Variants in PAQR6 observed in about 807,000 individuals in gnomAD.
PAQR6 encodes the protein progestin and adipoQ receptor family member 6, also known as membrane progestin receptor delta.
In PAQR6, 34 loss-of-function variants were observed where a neutral mutation model predicts 36.2. That is an observed-to-expected ratio of 0.94 (90% CI 0.71 to 1.25). PAQR6 has a LOEUF of 1.25. Ranked by LOEUF, PAQR6 falls within the 50% of genes most tolerant of loss-of-function variation. The pLI is 0.00. For missense variants in PAQR6, 431 were observed against 445.7 expected (o/e 0.97, Z 0.30); for synonymous variants, 190 against 190.7 (o/e 1.00, Z 0.03).
Position 156,245,046 on chromosome 1 carries a change from C to A in PAQR6, c.609+96G>T, listed in dbSNP as rs559912093. 4 of 1,599,476 alleles carry A rather than the reference C, an allele frequency of 2.5e-6. No individual in the cohort carries two copies. In the African/African-American group the frequency reaches 5.4e-5, roughly 21 times the overall value. On this transcript the variant is annotated intron_variant, in intron 6 of 7. Transcript: ENST00000292291. ...CTGGACCCCAAGAGAGGCGGCTGGG[C>A]TGAGGCAGGGACTGAGGGGGCAGGG...
intron 1 of PAQR6, 57 bp downstream of exon 1, chr1:156,247,900 A>C (rs1215726825): frequency 2.5e-6 from 1 of 405,524 alleles, no homozygotes; most frequent in Middle Eastern, 3.6e-4. Flanking sequence ...GGGTGGCTGG[A>C]GCAAGATGCT....
In PAQR6 at chr1:156,244,909, G is replaced by A. The variant is rs1289317692; in HGVS notation, c.612C>T (p.Leu204=). The change falls in exon 7 of 8, where the codon CTC becomes CTT. Residue 204 remains leucine (L), a splice_region_variant and synonymous_variant. Coordinates refer to ENST00000292291, the MANE Select transcript of PAQR6 (RefSeq NM_198406.3). ...LFDNLPLFYR[L]GLCWGRGHGC... ...CGTGGCCCCTGCCCCAGCACAGCCC[G>A]AGCTGTCAAAGGAAAACCAAGGCTG... The A allele has an allele frequency of 5.6e-6, 9 of 1,612,080 alleles. No individual in the cohort carries two copies. The highest frequency in any genetic ancestry group is 1.7e-5 in the Admixed American group (1 of 59,864).
At position 156,243,710 on chromosome 1, in the gene PAQR6, G is replaced by T; in HGVS notation, c.*419C>A. 2.0e-6 allele frequency: 2 copies of T among 1,017,090 alleles called. No homozygotes were observed. The highest frequency in any genetic ancestry group is 2.8e-6 in the Non-Finnish European group (2 of 706,316). 63.0% of individuals were successfully genotyped at this position (1,017,090 alleles called of 1,614,324 possible). Reference sequence around the variant, plus strand: ...GGCAAGTGTGTGGCCTCTCGGCCTGGTTAGCAAGAAGCATTCAGGGTAGGC... The same window carrying T: ...GGCAAGTGTGTGGCCTCTCGGCCTGTTTAGCAAGAAGCATTCAGGGTAGGC... On this transcript the variant is annotated 3_prime_UTR_variant, in exon 8 of 8. Coordinates refer to ENST00000292291, the MANE Select transcript of PAQR6 (RefSeq NM_198406.3).
Position 156,245,885 on chromosome 1 carries a change from G to T in PAQR6, c.282C>A (p.Tyr94Ter), listed in dbSNP as rs776589303. The change falls in exon 4 of 8, where the codon TAC becomes TAA. Residue 94 changes from tyrosine (Y) to a stop codon, truncating the protein, a stop_gained. Coordinates refer to ENST00000292291, the MANE Select transcript of PAQR6 (RefSeq NM_198406.3). LOFTEE classifies it high-confidence loss of function. Reference protein sequence around the residue: ...LLVFLLPACLYPFASCCAHTF... With the variant: ...LLVFLLPACL ...TGTGCGCGCAGCACGACGCGAAGGG[G>T]TAGAGGCAGGCGGGCAGCAGGAAGA... 3 of 1,595,704 alleles carry T rather than the reference G, an allele frequency of 1.9e-6. No homozygotes were observed. Among genetic ancestry groups the T allele is most frequent in the African/African-American group, 2.7e-5 (2 of 74,774 alleles).
chr1:156,243,946 C>T lies in PAQR6; in HGVS notation c.*183G>A, dbSNP rs1247677484. On this transcript the variant is annotated 3_prime_UTR_variant, in exon 8 of 8. Transcript: ENST00000292291. ...AAGAGCCCCCTCACGGTCCCTCTCA[C>T]ACTCTGCCAGTCCCCCTAGACACCC... The T allele has an allele frequency of 6.2e-7, 1 of 1,614,200 alleles. No individual in the cohort carries two copies. Among genetic ancestry groups the T allele is most frequent in the Non-Finnish European group, 8.5e-7 (1 of 1,180,010 alleles).
chr1:156,247,719 CCCA>C (rs1422228706), intron 1 of PAQR6: 2 of 200,908 alleles, frequency 1.0e-5, no homozygotes, highest in South Asian at 7.2e-5. Context: ...CTTGCTCGCT[CCCA>C]CAAGTGGGAT....
At chr1:156,247,390 C>T (rs1414843464) in intron 1 of PAQR6, 1 of 152,584 alleles carries the variant, frequency 6.6e-6, no homozygotes, top group African/African-American at 2.4e-5. Context: ...CCCCGCCCGC[C>T]TCTCCCGGCA....
intron 2 of PAQR6, 55 bp from the exon 3 acceptor site, chr1:156,246,305 A>C: frequency 6.7e-7 from 1 of 1,482,090 alleles, no homozygotes. Flanking sequence ...CTTTCCCTCC[A>C]TCTGAGATCT....
In PAQR6 at chr1:156,245,883, G is replaced by T; in HGVS notation, c.284C>A (p.Pro95His). Residue 95 changes from proline (P) to histidine (H), a missense_variant, in exon 4 of 8, where the codon CCC becomes CAC. Physicochemically the swap from Pro to His is moderately conservative, Grantham distance 77. Transcript: ENST00000292291. The stretch of plus-strand genomic sequence containing the variant: ...GGTGTGCGCGCAGCACGACGCGAAG[G>T]GGTAGAGGCAGGCGGGCAGCAGGAA... ...LVFLLPACLY[P>H]FASCCAHTFS... is the part of the protein sequence containing the mutation. 1 of 1,598,228 alleles carries T rather than the reference G, an allele frequency of 6.3e-7. No individual in the cohort carries two copies. The highest frequency in any genetic ancestry group is 8.5e-7 in the Non-Finnish European group (1 of 1,173,362).
rs749477101 is a variant in PAQR6 at position 156,247,941 on chromosome 1, A to T, written c.-26+16T>A. 2.2e-6 allele frequency: 1 copy of T among 447,568 alleles called. No individual in the cohort carries two copies. The highest frequency in any genetic ancestry group is 1.7e-5 in the South Asian group (1 of 60,274). 27.7% of individuals were successfully genotyped at this position (447,568 alleles called of 1,614,324 possible). A position where few individuals can be genotyped will look rare whatever the true frequency, so the allele number is the denominator to read the frequency against. On this transcript the variant is annotated intron_variant, in intron 1 of 7. Coordinates refer to ENST00000292291, the MANE Select transcript of PAQR6 (RefSeq NM_198406.3). ...TCTATTTTCCCAGAAGAGCCCCAGAAGGTGAGCTTCCTTACCCAGAGCTTG... is the reference window on the plus strand; with the variant it reads ...TCTATTTTCCCAGAAGAGCCCCAGATGGTGAGCTTCCTTACCCAGAGCTTG...
chr1:156,246,317 T>C (rs1401619522), intron 2 of PAQR6, 67 bp from the exon 3 acceptor site: 6 of 1,409,738 alleles, frequency 4.3e-6, no homozygotes, highest in African/African-American at 2.8e-5. Flanking sequence ...CTGAGATCTC[T>C]GGAAGCAGGG....
Position 156,245,593 on chromosome 1 carries a change from A to T in PAQR6, c.454T>A (p.Phe152Ile). Reference protein sequence around the residue: ...SWLHGHLHQFFVPAAALNSFL... With the variant: ...SWLHGHLHQFIVPAAALNSFL... ...GAGTTGAGTGCGGCGGCAGGCACAA[A>T]GAACTGGTGCAGGTGGCCGTGCAGC... The change falls in exon 5 of 8, where the codon TTT becomes ATT. Residue 152 changes from phenylalanine to isoleucine, a missense_variant. Physicochemically the swap from Phe to Ile is conservative, Grantham distance 21. Transcript: ENST00000292291. 1 of 1,613,098 alleles carries T rather than the reference A, an allele frequency of 6.2e-7. No homozygotes were observed. The highest frequency in any genetic ancestry group is 8.5e-7 in the Non-Finnish European group (1 of 1,180,006).
chr1:156,244,983 T>C (rs1660085016), intron 6 of PAQR6, 72 bp from the exon 7 acceptor site: 2 of 1,594,072 alleles, frequency 1.3e-6, no homozygotes, highest in African/African-American at 2.7e-5. Context: ...TGGGATCTGG[T>C]GAGGACGCAG....
At chr1:156,246,603 C>A in intron 2 of PAQR6, 78 bp downstream of exon 2, 1 of 1,510,138 alleles carries the variant, frequency 6.6e-7, no homozygotes, top group Non-Finnish European at 9.0e-7. Flanking sequence ...GCCCCAATAG[C>A]TAAAAGAGAA....
rs1660163296 is a variant in PAQR6, at chr1:156,245,174, A to G, written c.577T>C (p.Phe193Leu). The change falls in exon 6 of 8, where the codon TTC (phenylalanine) becomes CTC (leucine). Residue 193 changes from phenylalanine (F) to leucine (L), a missense_variant. Physicochemically the swap from Phe to Leu is conservative, Grantham distance 22. Transcript: ENST00000292291. Reference protein sequence around the residue: ...VLRTGAFAYPFLFDNLPLFYR... With the variant: ...VLRTGAFAYPLLFDNLPLFYR... ...AAGAGTGGGAGGTTGTCGAACAGGAATGGATAGGCGAAGGCTCCTGTGCGG... is the reference window on the plus strand; with the variant it reads ...AAGAGTGGGAGGTTGTCGAACAGGAGTGGATAGGCGAAGGCTCCTGTGCGG... 1.2e-6 allele frequency: 2 copies of G among 1,614,086 alleles called. No homozygotes were observed. The highest frequency in any genetic ancestry group is 1.7e-6 in the Non-Finnish European group (2 of 1,180,004).
In PAQR6 at chr1:156,243,829, C is replaced by T. The variant is rs370993197; in HGVS notation, c.*300G>A. ...GATGAAAGGACCCCAACACCTCCCC[C>T]CGCCAACCTTTGACAGAATATAGGG... On this transcript the variant is annotated 3_prime_UTR_variant, in exon 8 of 8. Transcript: ENST00000292291. The T allele has an allele frequency of 2.0e-5, 31 of 1,541,998 alleles. No individual in the cohort carries two copies. Among genetic ancestry groups the T allele is most frequent in the Non-Finnish European group, 2.6e-5 (30 of 1,142,190 alleles).
At chr1:156,247,228 AG>A (rs955937177) in intron 1 of PAQR6, among the ~76,000 whole-genome samples, 1 of 152,204 alleles carries the variant, frequency 6.6e-6, no homozygotes, top group African/African-American at 2.4e-5. Flanking sequence ...AGATGCCATC[AG>A]GTGGGACAAG....
rs1660558661 is a variant in PAQR6 at position 156,246,667 on chromosome 1, G to GT, written c.51+13dup. On this transcript the variant is annotated intron_variant, in intron 2 of 7. Transcript: ENST00000292291. ...GGAATGGGGGTTGGTGGGTCAGTGGGTGGAGCCCCTCACCCGGGGGACCTG... is the reference window on the plus strand; with the variant it reads ...GGAATGGGGGTTGGTGGGTCAGTGGGTTGGAGCCCCTCACCCGGGGGACCTG... 1 of 1,613,096 alleles carries GT rather than the reference G, an allele frequency of 6.2e-7. No homozygotes were observed. Among genetic ancestry groups the GT allele is most frequent in the East Asian group, 2.2e-5 (1 of 44,886 alleles).
intron 3 of PAQR6, 44 bp downstream of exon 3, chr1:156,246,079 C>G (rs750929682): frequency 3.1e-6 from 5 of 1,605,990 alleles, no homozygotes; most frequent in Middle Eastern, 1.7e-4. Context: ...CTGGGTACCC[C>G]CTCTGAGCTC....
Sources: gnomAD v4.1 joint callset for allele counts (sites outside exome capture counted in the v4.1 genomes callset) on GRCh38, gnomAD v4.1.1 for gene constraint, MANE v1.5 for transcripts, NCBI Gene and HGNC (gene_info 2026-07-23, HGNC 2026-07-21) for gene names.